CCL15: variants seen among roughly 807,000 people sequenced by gnomAD.
CCL15 encodes the protein C-C motif chemokine ligand 15.
CCL15 carries 8 observed loss-of-function variants against 10.6 expected under a neutral mutation model. That is an observed-to-expected ratio of 0.75 (90% CI 0.44 to 1.36). CCL15 has a LOEUF of 1.36. Among genes scored for constraint, CCL15 ranks in the 40% most tolerant of loss-of-function variants. CCL15 has a pLI of 0.00. For synonymous variants in CCL15, 51 were observed against 48.8 expected (o/e 1.04, Z -0.19); for missense variants, 128 against 136.6 (o/e 0.94, Z 0.32).
intron 1 of CCL15, among the ~76,000 whole-genome samples, chr17:35,999,461 CTTT>C (rs780201447): frequency 2.9e-5 from 4 of 139,764 alleles, no homozygotes; most frequent in Non-Finnish European, 4.7e-5. Flanking sequence ...GTATGTATTA[CTTT>C]TTTTTTTTTT....
At chr17:35,998,159 G>T (rs2089939267) in intron 3 of CCL15, 121 bp downstream of exon 3, 2 of 681,374 alleles carry the variant, frequency 2.9e-6, no homozygotes, top group African/African-American at 1.8e-5. Context: ...GGACACAGCT[G>T]CCCTGTATCT....
chr17:36,000,922 A>G (rs1352632895), intron 1 of CCL15, among the ~76,000 whole-genome samples: 6 of 152,076 alleles, frequency 3.9e-5, no homozygotes, highest in Admixed American at 6.5e-5. Context: ...TGTAAATAAT[A>G]CATTCTTTTT....
chr17:36,000,150 C>CAAA (rs71157587), intron 1 of CCL15, among the ~76,000 whole-genome samples: 1,116 of 63,612 alleles, frequency 0.018, 45 homozygotes, highest in African/African-American at 0.056. Flanking sequence ...GACTCCATCT[C>CAAA]AAAAAAAAAA....
chr17:35,997,876 G>A lies in CCL15; in HGVS notation c.249-16C>T. The A allele has an allele frequency of 6.2e-7, 1 of 1,602,358 alleles. No individual in the cohort carries two copies. Among genetic ancestry groups the A allele is most frequent in the Non-Finnish European group, 8.6e-7 (1 of 1,169,508 alleles). Reference sequence around the variant, plus strand: ...GGTGAGGAATCTGGGGAACAAGGGAGAGAAAGATTACAAACTGAGGTGTGG... The same window carrying A: ...GGTGAGGAATCTGGGGAACAAGGGAAAGAAAGATTACAAACTGAGGTGTGG... On this transcript the variant is annotated splice_polypyrimidine_tract_variant and intron_variant, in intron 3 of 3. Coordinates refer to ENST00000617897, the MANE Select transcript of CCL15 (RefSeq NM_032965.6).
At position 36,001,553 on chromosome 17, in the gene CCL15, C is replaced by G. The variant is rs950615274; in HGVS notation, c.-61G>C. The G allele has an allele frequency of 5.0e-6, 8 of 1,604,056 alleles. No homozygotes were observed. Among genetic ancestry groups the G allele is most frequent in the Non-Finnish European group, 6.0e-6 (7 of 1,176,112 alleles). On this transcript the variant is annotated 5_prime_UTR_variant, in exon 1 of 4. Coordinates refer to ENST00000617897, the MANE Select transcript of CCL15 (RefSeq NM_032965.6). ...CTGGGCTCACTGCTTCCTGGCTCCC[C>G]GGGATACCAGCTCTGCCCTTGTATT...
At chr17:35,997,898 G>A (rs2089935594) in intron 3 of CCL15, 38 bp from the exon 4 acceptor site, 2 of 1,513,566 alleles carry the variant, frequency 1.3e-6, no homozygotes, top group African/African-American at 1.4e-5. Context: ...AAACTGAGGT[G>A]TGGGCAGATG....
intron 3 of CCL15, 68 bp downstream of exon 3, chr17:35,998,212 G>T (rs41356845): frequency 6.8e-6 from 7 of 1,032,198 alleles, no homozygotes; most frequent in Non-Finnish European, 7.6e-6. Context: ...CCCATCCGTC[G>T]TGTCCTCCCT....
At chr17:35,998,661 C>T (rs1339244132) in intron 2 of CCL15, among the ~76,000 whole-genome samples, 1 of 152,238 alleles carries the variant, frequency 6.6e-6, no homozygotes, top group Non-Finnish European at 1.5e-5. Context: ...TCCAAAGGAG[C>T]AGGCTCTTGG....
At chr17:35,998,156 G>T in intron 3 of CCL15, 124 bp downstream of exon 3, 1 of 675,532 alleles carries the variant, frequency 1.5e-6, no homozygotes, top group Non-Finnish European at 2.7e-6. Flanking sequence ...TAAGGACACA[G>T]CTGCCCTGTA....
chr17:35,999,445 A>G (rs1423295086), intron 1 of CCL15, among the ~76,000 whole-genome samples: 1 of 150,998 alleles, frequency 6.6e-6, no homozygotes, highest in Admixed American at 6.6e-5. Flanking sequence ...GATAAGTACC[A>G]TCTAGGTATG....
chr17:35,999,075 G>T (rs965295896), intron 1 of CCL15, 150 bp from the exon 2 acceptor site: 3 of 656,638 alleles, frequency 4.6e-6, no homozygotes, highest in African/African-American at 3.6e-5. Context: ...CCTGCCTCCT[G>T]GCCCATTTAT....
chr17:35,999,398 G>C (rs1445306436), intron 1 of CCL15, among the ~76,000 whole-genome samples: 1 of 151,328 alleles, frequency 6.6e-6, no homozygotes, highest in Non-Finnish European at 1.5e-5. Flanking sequence ...AAAAATTGCT[G>C]TGTTTGATTG....
At position 35,998,228 on chromosome 17, in the gene CCL15, A is replaced by T. The variant is rs1340430736; in HGVS notation, c.248+52T>A. ...CCATCCGTCGTGTCCTCCCTGCAAG[A>T]TGCTGTGGGCTGCTTCTTCCCCAAC... On this transcript the variant is annotated intron_variant, in intron 3 of 3. Coordinates refer to ENST00000617897, the MANE Select transcript of CCL15 (RefSeq NM_032965.6). 9.7e-6 allele frequency: 12 copies of T among 1,235,020 alleles called. No individual in the cohort carries two copies. In the Admixed American group the frequency reaches 1.6e-4, roughly 16 times the overall value. The allele number at this position is 1,235,020 out of a possible 1,614,324, so 76.5% of individuals were successfully genotyped here.
Position 35,998,284 on chromosome 17 carries a change from C to T in CCL15, c.244G>A (p.Val82Ile), listed in dbSNP as rs1293756467. The T allele has an allele frequency of 1.9e-6, 3 of 1,609,902 alleles. No individual in the cohort carries two copies. The highest frequency in any genetic ancestry group is 1.7e-5 in the Admixed American group (1 of 60,008). The change falls in exon 3 of 4, where the codon GTC (valine) becomes ATC (isoleucine). Residue 82 changes from valine to isoleucine, a missense_variant. Physicochemically the swap from Val to Ile is conservative, Grantham distance 29. Transcript: ENST00000617897. The part of the protein sequence containing the change: ...ETSSECSKPG[V>I]IFLTKKGRQV... The stretch of plus-strand genomic sequence containing the variant: ...GTTGGTGAGCTTGGCACTTACATGA[C>T]ACCTGGCTTGGAGCACTCGCTGCTC...
Position 35,998,296 on chromosome 17 carries a change from A to C in CCL15, c.232T>G (p.Ser78Ala). 6.2e-7 allele frequency: 1 copy of C among 1,613,130 alleles called. No individual in the cohort carries two copies. The highest frequency in any genetic ancestry group is 8.5e-7 in the Non-Finnish European group (1 of 1,179,140). The change falls in exon 3 of 4, where the codon TCC becomes GCC. Residue 78 changes from serine to alanine, a missense_variant. Physicochemically the swap from Ser to Ala is moderately conservative, Grantham distance 99. Transcript: ENST00000617897. ...KSYFETSSECSKPGVIFLTKK... is the reference protein window; with the variant it reads ...KSYFETSSECAKPGVIFLTKK... ...GGCACTTACATGACACCTGGCTTGGAGCACTCGCTGCTCGTTTCAAAATAA... is the reference window on the plus strand; with the variant it reads ...GGCACTTACATGACACCTGGCTTGGCGCACTCGCTGCTCGTTTCAAAATAA...
rs2089943425 is a variant in CCL15 at position 35,998,373 on chromosome 17, T to C, written c.155A>G (p.Asp52Gly). The C allele has an allele frequency of 6.2e-7, 1 of 1,613,768 alleles. No individual in the cohort carries two copies. Among genetic ancestry groups the C allele is most frequent in the East Asian group, 2.2e-5 (1 of 44,876 alleles). ...VVLNSFHFAA[D>G]CCTSYISQSI... ...TTGTGAGATGTAGGAGGTGCAGCAG[T>C]CAGCAGCAAAGTGAAAGCCTGCAGC... Residue 52 changes from aspartate to glycine, a missense_variant, in exon 3 of 4, where the codon GAC becomes GGC. By Grantham distance (94) the Asp-to-Gly change is moderately conservative. Coordinates refer to ENST00000617897, the MANE Select transcript of CCL15 (RefSeq NM_032965.6).
rs187740119 is a variant in CCL15, at chr17:36,000,417, C to T, written c.76+1000G>A. On this transcript the variant is annotated intron_variant, in intron 1 of 3. Coordinates refer to ENST00000617897, the MANE Select transcript of CCL15 (RefSeq NM_032965.6). The stretch of plus-strand genomic sequence containing the variant: ...GGCAGAGCTTTCAGTGATCCGAGAT[C>T]GCACCACTGCACTCCAGCCTGGGAG... Among the ~76,000 whole-genome samples, 502 of 144,650 alleles carry T rather than the reference C, an allele frequency of 3.5e-3. 2 individuals carry two copies. Among genetic ancestry groups the T allele is most frequent in the Non-Finnish European group, 4.2e-3 (280 of 67,008 alleles). 94.9% of individuals were successfully genotyped at this position (144,650 alleles called of 152,430 possible).
chr17:36,000,366 G>T (rs117111076), intron 1 of CCL15, among the ~76,000 whole-genome samples: 2 of 149,702 alleles, frequency 1.3e-5, no homozygotes, highest in Non-Finnish European at 3.0e-5. Context: ...TGGAGGCTGA[G>T]GAAGGATAAT....
rs1224823187 is a variant in CCL15, at chr17:35,997,716, C to A, written c.*51G>T. 1.8e-6 allele frequency: 2 copies of A among 1,101,994 alleles called. No individual in the cohort carries two copies. Among genetic ancestry groups the A allele is most frequent in the Non-Finnish European group, 2.8e-6 (2 of 715,934 alleles). 68.3% of individuals were successfully genotyped at this position (1,101,994 alleles called of 1,614,324 possible). ...TTTTTAAGTATTTCAGACCAAGAAACTCACAGGAGGTGTTGGAGGTGGGTG... is the reference window on the plus strand; with the variant it reads ...TTTTTAAGTATTTCAGACCAAGAAAATCACAGGAGGTGTTGGAGGTGGGTG... On this transcript the variant is annotated 3_prime_UTR_variant, in exon 4 of 4. Coordinates refer to ENST00000617897, the MANE Select transcript of CCL15 (RefSeq NM_032965.6).
Sources: allele counts gnomAD v4.1 joint callset (sites outside exome capture counted in the v4.1 genomes callset), GRCh38; gene constraint gnomAD v4.1.1; transcripts MANE v1.5; gene names NCBI Gene and HGNC (gene_info 2026-07-23, HGNC 2026-07-21).